Variants in GRM7 observed in about 807,000 individuals in gnomAD.
GRM7 encodes the protein glutamate metabotropic receptor 7, also known as metabotropic glutamate receptor 7.
A neutral mutation model predicts 84.5 loss-of-function variants in GRM7; 35 were observed. That is an observed-to-expected ratio of 0.41 (90% CI 0.32 to 0.55). The LOEUF (loss-of-function observed/expected upper bound fraction) is 0.55. Ranked by LOEUF, GRM7 falls within the 20% of genes least tolerant of loss-of-function variation. The pLI, the probability that GRM7 is intolerant of heterozygous loss-of-function variation, is 0.19. For synonymous variants in GRM7, 487 were observed against 455.1 expected (o/e 1.07, Z -0.89); for missense variants, 1,003 against 1,194.6 (o/e 0.84, Z 2.36).
intron 2 of GRM7, among the ~76,000 whole-genome samples, chr3:7,228,173 A>T (rs1336162591): frequency 1.3e-5 from 2 of 152,154 alleles, no homozygotes; most frequent in African/African-American, 4.8e-5. Context: ...CCCAAATTTG[A>T]GGCACATGAA....
At position 6,863,650 on chromosome 3, in the gene GRM7, T is replaced by C. The variant is rs181978741; in HGVS notation, c.519+1743T>C. Among the ~76,000 whole-genome samples the C allele has an allele frequency of 2.0e-5, 3 of 152,252 alleles. No homozygotes were observed. The highest frequency in any genetic ancestry group is 2.0e-4 in the Admixed American group (3 of 15,296). ...GCTGAAACCCAGAGCCCTTCCTTCA[T>C]CTTTGAGCTTAAAGCTAGACAAGTT... On this transcript the variant is annotated intron_variant, in intron 1 of 9. Transcript: ENST00000357716. The surrounding 1 kb of genome is among the most constrained non-coding windows in gnomAD (Gnocchi z 4.8).
chr3:7,387,779 T>C (rs918391710), intron 4 of GRM7, among the ~76,000 whole-genome samples: 1 of 152,162 alleles, frequency 6.6e-6, no homozygotes, highest in Non-Finnish European at 1.5e-5. Flanking sequence ...GGCTCTTTTT[T>C]GGTTTTATAT....
intron 2 of GRM7, among the ~76,000 whole-genome samples, chr3:7,274,462 G>A (rs1698979368): frequency 1.3e-5 from 2 of 151,862 alleles, no homozygotes. Context: ...AATTCCCTTA[G>A]TTTATTTTTA....
chr3:7,099,358 A>C (rs1208679676), intron 1 of GRM7, among the ~76,000 whole-genome samples: 1 of 148,276 alleles, frequency 6.7e-6, no homozygotes, highest in East Asian at 2.0e-4. Context: ...ATATATGTAC[A>C]CATGTATACA....
intron 1 of GRM7, among the ~76,000 whole-genome samples, chr3:7,075,109 G>A (rs1187088011): frequency 1.3e-5 from 2 of 152,168 alleles, no homozygotes; most frequent in Non-Finnish European, 2.9e-5. Flanking sequence ...CAGGTCAGGG[G>A]ATTTATGCAA....
chr3:7,149,418 C>G (rs1270672367), intron 2 of GRM7, among the ~76,000 whole-genome samples: 2 of 152,082 alleles, frequency 1.3e-5, no homozygotes, highest in Non-Finnish European at 2.9e-5. Context: ...AAGAAATAAT[C>G]ATATATTCTC....
intron 2 of GRM7, among the ~76,000 whole-genome samples, chr3:7,290,607 C>T (rs1363369485): frequency 6.6e-6 from 1 of 152,154 alleles, no homozygotes; most frequent in African/African-American, 2.4e-5. Context: ...TGGCAGGGGA[C>T]AGAGAATTTT....
Position 7,579,301 on chromosome 3 carries a change from A to G in GRM7, c.2395A>G (p.Ile799Val), listed in dbSNP as rs1300479133. The G allele has an allele frequency of 6.2e-7, 1 of 1,602,872 alleles. No homozygotes were observed. Residue 799 changes from isoleucine to valine, a missense_variant, in exon 8 of 10, where the codon ATA becomes GTA. Transcript: ENST00000357716. Reference protein sequence around the residue: ...PIGFTMYTTCIVWLAFIPIFF... With the variant: ...PIGFTMYTTCVVWLAFIPIFF... ...TGGATTCACTATGTACACGACATGT[A>G]TAGTATGGCTTGCCTTCATTCCAAT...
chr3:7,228,713 G>A (rs1215516124), intron 2 of GRM7, among the ~76,000 whole-genome samples: 1 of 152,180 alleles, frequency 6.6e-6, no homozygotes, highest in African/African-American at 2.4e-5. Context: ...ATGAGATTTG[G>A]AATCAAGTGT....
chr3:7,674,133 T>C (rs1354128594), intron 8 of GRM7, among the ~76,000 whole-genome samples: 2 of 151,580 alleles, frequency 1.3e-5, no homozygotes, highest in Non-Finnish European at 2.9e-5. Context: ...CAATATACAC[T>C]ATGAAGAAAT....
intron 9 of GRM7, among the ~76,000 whole-genome samples, chr3:7,716,462 T>C (rs533256245): frequency 1.3e-5 from 2 of 152,300 alleles, no homozygotes; most frequent in Non-Finnish European, 2.9e-5. Context: ...GTGATACCAA[T>C]ATTTAGTACT....
intron 8 of GRM7, among the ~76,000 whole-genome samples, chr3:7,598,765 A>C (rs937205304): frequency 9.2e-5 from 14 of 152,198 alleles, no homozygotes; most frequent in African/African-American, 2.9e-4. Flanking sequence ...ACAGCACAGA[A>C]GGGCTTCTCC....
intron 2 of GRM7, among the ~76,000 whole-genome samples, chr3:7,259,753 A>C (rs952696483): frequency 6.6e-6 from 1 of 152,088 alleles, no homozygotes; most frequent in African/African-American, 2.4e-5. Flanking sequence ...GAACATATGC[A>C]GCATGCTTGT....
chr3:6,880,011 G>C lies in GRM7; in HGVS notation c.519+18104G>C, dbSNP rs193200019. Reference sequence around the variant, plus strand: ...GAAGAAAGAACATTTAAAAGGGGATGTGGAGCAAAGAAAGTATTTACCAAA... The same window carrying C: ...GAAGAAAGAACATTTAAAAGGGGATCTGGAGCAAAGAAAGTATTTACCAAA... On this transcript the variant is annotated intron_variant, in intron 1 of 9. Coordinates refer to ENST00000357716, the MANE Select transcript of GRM7 (RefSeq NM_000844.4). Among the ~76,000 whole-genome samples, 346 of 152,324 alleles carry C rather than the reference G, an allele frequency of 2.3e-3. 1 individual carries two copies. The highest frequency in any genetic ancestry group is 7.8e-3 in the African/African-American group (324 of 41,564).
chr3:7,249,701 T>C (rs1007069350), intron 2 of GRM7, among the ~76,000 whole-genome samples: 4 of 151,914 alleles, frequency 2.6e-5, no homozygotes, highest in Non-Finnish European at 4.4e-5. Context: ...ATTTACCACA[T>C]GAAAAAAAAA....
chr3:7,647,459 G>T (rs1698698338), intron 8 of GRM7, among the ~76,000 whole-genome samples: 1 of 152,182 alleles, frequency 6.6e-6, no homozygotes, highest in South Asian at 2.1e-4. Context: ...GACAGAGCAG[G>T]TACAAGGGCA....
chr3:7,705,372 C>A (rs192166437), intron 9 of GRM7, among the ~76,000 whole-genome samples: 22 of 152,296 alleles, frequency 1.4e-4, no homozygotes, highest in Non-Finnish European at 2.5e-4. Flanking sequence ...AAAGTCCAGT[C>A]TGAAGCCTAC....
intron 1 of GRM7, among the ~76,000 whole-genome samples, chr3:6,987,129 T>A (rs1196504548): frequency 2.0e-5 from 3 of 152,194 alleles, no homozygotes; most frequent in African/African-American, 4.8e-5. Flanking sequence ...TCCCTCCCTG[T>A]TTGCCTTTTC....
intron 4 of GRM7, among the ~76,000 whole-genome samples, chr3:7,405,283 G>C (rs1205931373): frequency 6.6e-6 from 1 of 152,142 alleles, no homozygotes; most frequent in African/African-American, 2.4e-5. Context: ...AAAGCACCAA[G>C]CTAGAAAGAG....
Sources: allele counts gnomAD v4.1 joint callset (sites outside exome capture counted in the v4.1 genomes callset), GRCh38; gene constraint gnomAD v4.1.1; non-coding constraint Gnocchi (gnomAD v3.1); transcripts MANE v1.5; gene names NCBI Gene and HGNC (gene_info 2026-07-23, HGNC 2026-07-21).